CNBD1: variants seen among roughly 807,000 people sequenced by gnomAD.
CNBD1 encodes cyclic nucleotide-binding domain-containing protein 1.
Under a neutral mutation model 54.4 loss-of-function variants are expected in CNBD1, and 71 were observed. The ratio of observed to expected loss-of-function variants is 1.30; its 90% confidence interval spans 1.08 to 1.59. The LOEUF is 1.59. Ranked by LOEUF, CNBD1 falls within the 40% of genes most tolerant of loss-of-function variation. The pLI, the probability that CNBD1 is intolerant of heterozygous loss-of-function variation, is 0.00. For missense variants in CNBD1, 659 were observed against 518.0 expected (o/e 1.27, Z -2.64); for synonymous variants, 182 against 170.7 (o/e 1.07, Z -0.51).
chr8:86,983,276 C>T (rs937844433), intron 4 of CNBD1, among the ~76,000 whole-genome samples: 32 of 152,298 alleles, frequency 2.1e-4, no homozygotes, highest in African/African-American at 7.7e-4. Flanking sequence ...GTCAGACATG[C>T]CTTTCACCTT....
Position 87,379,092 on chromosome 8 carries a change from A to G in CNBD1, c.1304-3528A>G, listed in dbSNP as rs536854014. ...GGTTTTCTAGATATACAATCATGTC[A>G]TCTGCAAACAGGGACAATTTGACTT... On this transcript the variant is annotated intron_variant, in intron 10 of 10. Coordinates refer to ENST00000518476, the MANE Select transcript of CNBD1 (RefSeq NM_173538.3). 2.6e-3 allele frequency among the ~76,000 whole-genome samples: 398 copies of G among 151,492 alleles called. 2 individuals carry two copies. Among genetic ancestry groups the G allele is most frequent in the Admixed American group, 5.5e-3 (83 of 15,160 alleles).
rs146950212 is a variant in CNBD1, at chr8:87,369,592, T to C, written c.1304-13028T>C. ...TGTTAGATTTAGAATTCTTGGCTGATAGTCTTTTTCTTTCAGCACTTTGAG... is the reference window on the plus strand; with the variant it reads ...TGTTAGATTTAGAATTCTTGGCTGACAGTCTTTTTCTTTCAGCACTTTGAG... On this transcript the variant is annotated intron_variant, in intron 10 of 10. Transcript: ENST00000518476. Among the ~76,000 whole-genome samples the C allele has an allele frequency of 2.3e-3, 356 of 152,096 alleles. 2 individuals are homozygous for C. The highest frequency in any genetic ancestry group is 7.2e-3 in the African/African-American group (301 of 41,528).
intron 8 of CNBD1, among the ~76,000 whole-genome samples, chr8:87,339,141 A>G (rs1810012302): frequency 2.0e-5 from 3 of 152,130 alleles, no homozygotes; most frequent in Admixed American, 2.0e-4. Context: ...AGATCTTGTT[A>G]AGGAGAATGA....
chr8:87,418,311 T>C (rs963120046), intron 2 of CNBD1, among the ~76,000 whole-genome samples: 1 of 151,880 alleles, frequency 6.6e-6, no homozygotes, highest in Non-Finnish European at 1.5e-5. Context: ...AACCGAATAT[T>C]CACATGCAAA....
intron 2 of CNBD1, among the ~76,000 whole-genome samples, chr8:86,891,200 T>A (rs149759808): frequency 3.0e-4 from 45 of 152,250 alleles, no homozygotes; most frequent in Non-Finnish European, 6.2e-4. Flanking sequence ...CTATGTTTTA[T>A]CCTAGCAGTT....
chr8:86,931,359 G>T (rs888419718), intron 3 of CNBD1, among the ~76,000 whole-genome samples: 1 of 152,206 alleles, frequency 6.6e-6, no homozygotes, highest in Admixed American at 6.5e-5. Flanking sequence ...CCTGTTGTTG[G>T]ATCATCTGGT....
At position 87,131,071 on chromosome 8, in the gene CNBD1, A is replaced by G. The variant is rs370286217; in HGVS notation, c.432-74922A>G. Reference sequence around the variant, plus strand: ...ATTCTTTTCCTTTTAATCTATCTGCATTTTAAAATTTAAACTGTACCTCTT... The same window carrying G: ...ATTCTTTTCCTTTTAATCTATCTGCGTTTTAAAATTTAAACTGTACCTCTT... On this transcript the variant is annotated intron_variant, in intron 4 of 10. Transcript: ENST00000518476. 1.3e-3 allele frequency among the ~76,000 whole-genome samples: 193 copies of G among 151,878 alleles called. 3 individuals carry two copies. The Middle Eastern group carries it at 0.014, about 11-fold the overall frequency.
intron 8 of CNBD1, among the ~76,000 whole-genome samples, chr8:87,320,239 G>C (rs1260271200): frequency 6.6e-6 from 1 of 151,982 alleles, no homozygotes; most frequent in Non-Finnish European, 1.5e-5. Flanking sequence ...TTCAGGCTTT[G>C]TTAAGGACAT....
At chr8:86,990,158 A>G (rs1022552857) in intron 4 of CNBD1, among the ~76,000 whole-genome samples, 2 of 152,094 alleles carry the variant, frequency 1.3e-5, no homozygotes, top group East Asian at 1.9e-4. Flanking sequence ...TTGTCTTTTC[A>G]CTTTGCTGAT....
intron 4 of CNBD1, among the ~76,000 whole-genome samples, chr8:87,101,273 A>C (rs1462694890): frequency 6.6e-6 from 1 of 152,208 alleles, no homozygotes; most frequent in Non-Finnish European, 1.5e-5. Context: ...TAACATCTTC[A>C]AAAACCAAAG....
At position 87,182,644 on chromosome 8, in the gene CNBD1, G is replaced by A. The variant is rs1346545012; in HGVS notation, c.432-23349G>A. On this transcript the variant is annotated intron_variant, in intron 4 of 10. Coordinates refer to ENST00000518476, the MANE Select transcript of CNBD1 (RefSeq NM_173538.3). The surrounding 1 kb of genome is among the most constrained non-coding windows in gnomAD (Gnocchi z 4.1). Reference sequence around the variant, plus strand: ...TTGATTTGCATTTCTCTAATAGCTGGTGATGTTGAGCATTTTTTCATATGT... The same window carrying A: ...TTGATTTGCATTTCTCTAATAGCTGATGATGTTGAGCATTTTTTCATATGT... Among the ~76,000 whole-genome samples the A allele has an allele frequency of 6.6e-6, 1 of 151,874 alleles. No homozygotes were observed. Among genetic ancestry groups the A allele is most frequent in the African/African-American group, 2.4e-5 (1 of 41,346 alleles).
chr8:87,105,659 A>T (rs915567702), intron 4 of CNBD1, among the ~76,000 whole-genome samples: 4 of 152,134 alleles, frequency 2.6e-5, no homozygotes, highest in African/African-American at 9.7e-5. Flanking sequence ...CTCCCACCTG[A>T]CAAAGAGTAT....
At chr8:87,052,695 G>T (rs553018220) in intron 4 of CNBD1, among the ~76,000 whole-genome samples, 1 of 152,202 alleles carries the variant, frequency 6.6e-6, no homozygotes, top group Non-Finnish European at 1.5e-5. Context: ...GAGACATGTT[G>T]TTTATCCCAA....
chr8:87,405,047 T>C (rs568496468), intron 2 of CNBD1, among the ~76,000 whole-genome samples: 1 of 152,158 alleles, frequency 6.6e-6, no homozygotes, highest in Non-Finnish European at 1.5e-5. Context: ...ATATCAGTAC[T>C]GAGTTGAAGA....
chr8:87,174,476 T>G (rs889417543), intron 4 of CNBD1, among the ~76,000 whole-genome samples: 3 of 152,212 alleles, frequency 2.0e-5, no homozygotes, highest in African/African-American at 7.2e-5. Context: ...TCTGAATTCC[T>G]TCTCTGTGTT....
At chr8:87,223,773 G>T (rs1192661387) in intron 5 of CNBD1, among the ~76,000 whole-genome samples, 8 of 151,892 alleles carry the variant, frequency 5.3e-5, no homozygotes, top group African/African-American at 1.9e-4. Flanking sequence ...GGGATGGCTG[G>T]GTCAAATGGT....
At chr8:87,362,524 A>T (rs1439116408) in intron 10 of CNBD1, among the ~76,000 whole-genome samples, 1 of 152,090 alleles carries the variant, frequency 6.6e-6, no homozygotes, top group Non-Finnish European at 1.5e-5. Context: ...CTATTACTAT[A>T]GCTAATGCTT....
intron 1 of CNBD1, among the ~76,000 whole-genome samples, chr8:86,878,861 A>G (rs1412541656): frequency 2.0e-5 from 3 of 152,194 alleles, no homozygotes; most frequent in Non-Finnish European, 4.4e-5. Flanking sequence ...GTTAGAAAAT[A>G]TGGTTAATCC....
chr8:87,389,956 A>T (rs1402851094), intron 2 of CNBD1, among the ~76,000 whole-genome samples: 3 of 151,962 alleles, frequency 2.0e-5, no homozygotes, highest in Non-Finnish European at 2.9e-5. Flanking sequence ...TATCTACAAC[A>T]ATCTGATCTT....
Sources: gnomAD v4.1 joint callset for allele counts (sites outside exome capture counted in the v4.1 genomes callset) on GRCh38, gnomAD v4.1.1 for gene constraint, Gnocchi (gnomAD v3.1) non-coding constraint, MANE v1.5 for transcripts, NCBI Gene and HGNC (gene_info 2026-07-23, HGNC 2026-07-21) for gene names.